PCDHA6: variants seen among roughly 807,000 people sequenced by gnomAD.
The protein encoded by PCDHA6 is protocadherin alpha-6.
PCDHA6 carries 55 observed loss-of-function variants against 60.3 expected under a neutral mutation model. The observed-to-expected ratio is 0.91, with a 90% CI of 0.73 to 1.14. The LOEUF (loss-of-function observed/expected upper bound fraction) is 1.14, where lower values mean the gene tolerates loss of function less well. Among genes scored for constraint, PCDHA6 ranks in the 50% most tolerant of loss-of-function variants. The pLI is 0.00. For synonymous variants in PCDHA6, 652 were observed against 557.9 expected, an observed-to-expected ratio of 1.17 and a Z score of -2.38; for missense variants, 1,327 against 1,256.5, an observed-to-expected ratio of 1.06 and a Z score of -0.85.
chr5:140,839,718 T>C (rs182752192), intron 1 of PCDHA6, among the ~76,000 whole-genome samples: 1 of 152,078 alleles, frequency 6.6e-6, no homozygotes, highest in African/African-American at 2.4e-5. Flanking sequence ...CAAATTTAAA[T>C]CATTTCACAG....
chr5:140,967,576 A>T (rs2096159229), intron 1 of PCDHA6: 1 of 1,613,838 alleles, frequency 6.2e-7, no homozygotes, highest in African/African-American at 1.3e-5. Context: ...GGGAGGACTC[A>T]CCCCCAGGCA....
At chr5:140,937,162 C>A (rs2091378704) in intron 1 of PCDHA6, among the ~76,000 whole-genome samples, 1 of 151,684 alleles carries the variant, frequency 6.6e-6, no homozygotes, top group Non-Finnish European at 1.5e-5. Flanking sequence ...CTCAGCCTCC[C>A]GAGTAGCTGG....
intron 1 of PCDHA6, among the ~76,000 whole-genome samples, chr5:140,904,695 G>A (rs1276696069): frequency 2.0e-5 from 3 of 152,024 alleles, no homozygotes; most frequent in Admixed American, 2.0e-4. Flanking sequence ...GTGTAAAATT[G>A]TTCCCTTTTC....
chr5:140,966,803 C>G, intron 1 of PCDHA6: 1 of 1,542,484 alleles, frequency 6.5e-7, no homozygotes, highest in Non-Finnish European at 8.7e-7. Context: ...GGCGACAGAG[C>G]ATCCACGGCT....
intron 1 of PCDHA6, chr5:140,853,810 G>A (rs1402594450): frequency 7.1e-6 from 7 of 986,530 alleles, no homozygotes; most frequent in Non-Finnish European, 8.5e-6. Context: ...AAGCACACCT[G>A]AGATGATTCT....
intron 1 of PCDHA6, among the ~76,000 whole-genome samples, chr5:140,832,761 A>T (rs1003830493): frequency 6.6e-5 from 10 of 152,344 alleles, no homozygotes; most frequent in African/African-American, 2.4e-4. Flanking sequence ...AAAAGCAAGA[A>T]TATTGTAAGA....
At chr5:140,833,383 A>G in intron 1 of PCDHA6, among the ~76,000 whole-genome samples, 1 of 152,336 alleles carries the variant, frequency 6.6e-6, no homozygotes, top group African/African-American at 2.4e-5. Context: ...AAAAAGGATG[A>G]AATACCTCAA....
intron 1 of PCDHA6, chr5:140,969,442 T>G (rs1554231813): frequency 1.6e-5 from 25 of 1,543,830 alleles, no homozygotes; most frequent in Non-Finnish European, 2.2e-5. Flanking sequence ...AGTTATCTGG[T>G]AAACTGAGTA....
At chr5:140,884,049 TGC>T (rs1554181152) in intron 1 of PCDHA6, 1 of 1,613,414 alleles carries the variant, frequency 6.2e-7, no homozygotes. Context: ...GTGGCGAAGG[TGC>T]GCGCGGTGGA....
chr5:140,850,107 C>A lies in PCDHA6; in HGVS notation c.2394+19622C>A, dbSNP rs2150467518. ...GCTGCTACAGTTCCAGGTGAGCGCG[C>A]GCGACGCGGGCGTGCCGCCTCTGGG... On this transcript the variant is annotated intron_variant, in intron 1 of 3. Coordinates refer to ENST00000529310, the MANE Select transcript of PCDHA6 (RefSeq NM_018909.4). 6.9e-6 allele frequency: 11 copies of A among 1,596,052 alleles called. 2 individuals carry two copies. In the Admixed American group the frequency reaches 1.0e-4, roughly 15 times the overall value.
At chr5:140,915,137 C>T (rs2076999053) in intron 1 of PCDHA6, among the ~76,000 whole-genome samples, 3 of 151,800 alleles carry the variant, frequency 2.0e-5, no homozygotes, top group South Asian at 2.1e-4. Context: ...TTAGTAGAGA[C>T]GGGGTTTCAC....
chr5:140,845,177 C>T (rs1328451437), intron 1 of PCDHA6, among the ~76,000 whole-genome samples: 1 of 149,016 alleles, frequency 6.7e-6, no homozygotes, highest in East Asian at 1.9e-4. Context: ...TCATTTTAGT[C>T]CTTTAAAAAA....
rs782354826 is a variant in PCDHA6, at chr5:140,856,955, G to A, written c.2394+26470G>A. 3 of 1,593,892 alleles carry A rather than the reference G, an allele frequency of 1.9e-6. No individual in the cohort carries two copies. The Admixed American group carries it at 5.1e-5, about 27-fold the overall frequency. On this transcript the variant is annotated intron_variant, in intron 1 of 3. Coordinates refer to ENST00000529310, the MANE Select transcript of PCDHA6 (RefSeq NM_018909.4). Reference sequence around the variant, plus strand: ...AAACGAAAGGACGGGAGAAATAAAAGTAAATGATGCTATTGACTTTGAGGA... The same window carrying A: ...AAACGAAAGGACGGGAGAAATAAAAATAAATGATGCTATTGACTTTGAGGA...
chr5:140,901,852 T>G (rs1184166361), intron 1 of PCDHA6, among the ~76,000 whole-genome samples: 3 of 152,206 alleles, frequency 2.0e-5, no homozygotes, highest in Non-Finnish European at 4.4e-5. Flanking sequence ...TCTTTCCATT[T>G]TTTTGTGTCC....
rs150518215 is a variant in PCDHA6, at chr5:140,883,444, T to G, written c.2394+52959T>G. On this transcript the variant is annotated intron_variant, in intron 1 of 3. Transcript: ENST00000529310. ...AGGTCACCTGCACCTTGACGCCGCATGTCCCCTTCAAGCTGGTGTCCACCT... is the reference window on the plus strand; with the variant it reads ...AGGTCACCTGCACCTTGACGCCGCAGGTCCCCTTCAAGCTGGTGTCCACCT... The G allele has an allele frequency of 2.5e-6, 4 of 1,614,052 alleles. No individual in the cohort carries two copies. In the African/African-American group the frequency reaches 4.0e-5, roughly 16 times the overall value.
chr5:140,926,652 C>T, intron 1 of PCDHA6: 1 of 499,312 alleles, frequency 2.0e-6, no homozygotes, highest in East Asian at 3.6e-5. Flanking sequence ...CGGCCGGCTC[C>T]GCTTTCCCAG....
intron 1 of PCDHA6, among the ~76,000 whole-genome samples, chr5:140,957,750 TGTTCATTATATATGTTAAGTAAAAACTAA>T (rs1477515057): frequency 6.6e-6 from 1 of 152,128 alleles, no homozygotes; most frequent in African/African-American, 2.4e-5. Context: ...CATGAAAGGA[TGTTCATTATATATGTTAAGTAAAAACTAA>T]GTTCATCATA....
chr5:140,953,564 GC>G (rs543933826), intron 1 of PCDHA6, among the ~76,000 whole-genome samples: 356 of 152,176 alleles, frequency 2.3e-3, no homozygotes, highest in African/African-American at 7.9e-3. Context: ...AAGTTTTAGT[GC>G]CCTCCTCTCC....
chr5:140,884,654 T>C, intron 1 of PCDHA6: 1 of 1,602,858 alleles, frequency 6.2e-7, no homozygotes, highest in South Asian at 1.1e-5. Context: ...CTCAGAATGC[T>C]TGAAAGAGGT....
Sources: allele counts gnomAD v4.1 joint callset (sites outside exome capture counted in the v4.1 genomes callset), GRCh38; gene constraint gnomAD v4.1.1; transcripts MANE v1.5; gene names NCBI Gene and HGNC (gene_info 2026-07-23, HGNC 2026-07-21).